SAMD5: variants seen among roughly 807,000 people sequenced by gnomAD.
SAMD5 encodes sterile alpha motif domain containing 5, also known as sterile alpha motif domain-containing protein 5.
SAMD5 carries 13 observed loss-of-function variants against 11.3 expected under a neutral mutation model. That is an observed-to-expected ratio of 1.15 (90% CI 0.75 to 1.83). The LOEUF is 1.83. SAMD5 is among the 40% of genes most tolerant of loss of function. SAMD5 has a pLI of 0.00. For missense variants in SAMD5, 255 were observed against 239.1 expected, an observed-to-expected ratio of 1.07 and a Z score of -0.44; for synonymous variants, 129 against 111.3, an observed-to-expected ratio of 1.16 and a Z score of -1.00.
chr6:147,807,131 G>A, the SAMD5 span, among the ~76,000 whole-genome samples: 2 of 151,878 alleles, frequency 1.3e-5, no homozygotes, highest in African/African-American at 4.8e-5. Flanking sequence ...AAGGAGTCTT[G>A]CTCTGTCACC....
At chr6:147,650,093 G>A (rs1009743475) in intron 1 of SAMD5, among the ~76,000 whole-genome samples, 6 of 152,200 alleles carry the variant, frequency 3.9e-5, no homozygotes, top group Non-Finnish European at 5.9e-5. Context: ...CCTTGAACTA[G>A]TATTGCCCTC....
At chr6:147,532,374 T>C (rs910340626) in intron 1 of SAMD5, among the ~76,000 whole-genome samples, 1 of 151,838 alleles carries the variant, frequency 6.6e-6, no homozygotes, top group African/African-American at 2.4e-5. Context: ...CCCCCACTTA[T>C]AAGTGAGAAC....
At chr6:147,729,772 T>A in intron 1 of SAMD5, 1 of 457,072 alleles carries the variant, frequency 2.2e-6, no homozygotes, top group South Asian at 1.5e-5. Context: ...TGAGAGGTGA[T>A]GTGCCTGATG....
At chr6:147,706,956 A>C (rs1791332916) in intron 1 of SAMD5, among the ~76,000 whole-genome samples, 1 of 152,200 alleles carries the variant, frequency 6.6e-6, no homozygotes, top group South Asian at 2.1e-4. Context: ...TATGTGATCA[A>C]TTAGCTTTTA....
At chr6:147,670,693 G>A (rs1233475108) in intron 1 of SAMD5, among the ~76,000 whole-genome samples, 2 of 152,152 alleles carry the variant, frequency 1.3e-5, no homozygotes, top group African/African-American at 2.4e-5. Context: ...ACCTCTGTCA[G>A]CCTTCTTAGA....
chr6:147,850,367 G>A, the SAMD5 span, among the ~76,000 whole-genome samples: 1 of 152,040 alleles, frequency 6.6e-6, no homozygotes, highest in Non-Finnish European at 1.5e-5. Context: ...TAAATTAACC[G>A]GCAGAGGGCT....
At chr6:147,656,219 A>G (rs1790564319) in intron 1 of SAMD5, among the ~76,000 whole-genome samples, 1 of 152,168 alleles carries the variant, frequency 6.6e-6, no homozygotes, top group Admixed American at 6.5e-5. Flanking sequence ...GTGAAAAGAA[A>G]TAACACTATA....
the SAMD5 span, among the ~76,000 whole-genome samples, chr6:147,798,591 G>T: frequency 2.6e-5 from 4 of 151,986 alleles, no homozygotes; most frequent in African/African-American, 9.7e-5. Context: ...GGTCCGCTTG[G>T]TGCAGAGCTG....
At chr6:147,925,439 T>C in the SAMD5 span, among the ~76,000 whole-genome samples, 24 of 152,296 alleles carry the variant, frequency 1.6e-4, no homozygotes, top group East Asian at 4.6e-3. Context: ...TGGCTTTTCC[T>C]AAATAAGTAA....
intron 1 of SAMD5, among the ~76,000 whole-genome samples, chr6:147,714,694 A>G: frequency 6.6e-6 from 1 of 152,174 alleles, no homozygotes; most frequent in East Asian, 1.9e-4. Flanking sequence ...TGAATCAGTG[A>G]TTCTCAAATT....
chr6:147,687,511 A>G (rs907860016), intron 1 of SAMD5, among the ~76,000 whole-genome samples: 3 of 152,042 alleles, frequency 2.0e-5, no homozygotes, highest in African/African-American at 7.2e-5. Flanking sequence ...GGCTCAAGCA[A>G]TCTGCCCACA....
At chr6:147,554,422 C>G (rs1788821415) in intron 1 of SAMD5, among the ~76,000 whole-genome samples, 1 of 152,154 alleles carries the variant, frequency 6.6e-6, no homozygotes, top group African/African-American at 2.4e-5. Context: ...CAAGTGAGGT[C>G]GTGGCCAGTG....
chr6:147,641,976 T>C (rs79650933), intron 1 of SAMD5, among the ~76,000 whole-genome samples: 2,773 of 152,318 alleles, frequency 0.018, 77 homozygotes, highest in African/African-American at 0.063. Context: ...AACATGAAGA[T>C]GTTTGATTTA....
intron 1 of SAMD5, among the ~76,000 whole-genome samples, chr6:147,519,586 C>T (rs1240159551): frequency 6.6e-6 from 1 of 152,138 alleles, no homozygotes; most frequent in African/African-American, 2.4e-5. Flanking sequence ...TTTGTTTGCT[C>T]ATTTTTATAT....
the SAMD5 span, among the ~76,000 whole-genome samples, chr6:147,826,455 G>A: frequency 6.6e-6 from 1 of 152,128 alleles, no homozygotes; most frequent in Non-Finnish European, 1.5e-5. Context: ...CTTTAAAAGG[G>A]CAGCATCAAT....
chr6:147,509,481 A>C, intron 1 of SAMD5, 94 bp downstream of exon 1: 1 of 1,169,878 alleles, frequency 8.5e-7, no homozygotes, highest in Non-Finnish European at 1.2e-6. Context: ...ATTCCAGGTG[A>C]CGACGGAGAG....
intron 1 of SAMD5, among the ~76,000 whole-genome samples, chr6:147,654,404 G>A (rs889839661): frequency 5.3e-5 from 8 of 152,226 alleles, no homozygotes; most frequent in African/African-American, 1.9e-4. Context: ...AAAGAGCTCC[G>A]TGGGGGATTT....
At position 147,701,511 on chromosome 6, in the gene SAMD5, G is replaced by A. The variant is rs138817205; in HGVS notation, c.163-35806G>A. Among the ~76,000 whole-genome samples, 820 of 152,152 alleles carry A rather than the reference G, an allele frequency of 5.4e-3. 11 individuals carry two copies. Among genetic ancestry groups the A allele is most frequent in the African/African-American group, 0.019 (777 of 41,526 alleles). ...TAGCCAGGCGTGGTGACACGCGCCT[G>A]TAATCCCTGCTACTCAGGAGGCTGA... On this transcript the variant is annotated intron_variant, in intron 1 of 1. Transcript: ENST00000566741.
At chr6:147,845,724 A>G in the SAMD5 span, among the ~76,000 whole-genome samples, 3 of 152,178 alleles carry the variant, frequency 2.0e-5, no homozygotes, top group Non-Finnish European at 2.9e-5. Flanking sequence ...AAATAATGAT[A>G]ACACTAACTG....
Sources: allele counts gnomAD v4.1 joint callset (sites outside exome capture counted in the v4.1 genomes callset), GRCh38; gene constraint gnomAD v4.1.1; transcripts MANE v1.5; gene names NCBI Gene and HGNC (gene_info 2026-07-23, HGNC 2026-07-21).